The following PHKB variants were observed in gnomAD, a reference collection of about 807,000 sequenced individuals.
PHKB encodes phosphorylase b kinase regulatory subunit beta.
A neutral mutation model predicts 152.1 loss-of-function variants in PHKB; 122 were observed. The ratio of observed to expected loss-of-function variants is 0.80; its 90% CI spans 0.69 to 0.93. The LOEUF (loss-of-function observed/expected upper bound fraction) is 0.93, where lower values mean the gene tolerates loss of function less well. PHKB is among the 40% of genes least tolerant of loss of function. The pLI is 0.00. For missense variants in PHKB, 1,304 were observed against 1,328.4 expected (o/e 0.98, Z 0.29); for synonymous variants, 436 against 464.9 (o/e 0.94, Z 0.80).
intron 1 of PHKB, among the ~76,000 whole-genome samples, chr16:47,465,621 A>G (rs1325647335): frequency 1.3e-5 from 2 of 152,242 alleles, no homozygotes; most frequent in East Asian, 1.9e-4. Context: ...TAGTAAAACT[A>G]TAAAGACACA....
chr16:47,585,406 T>G (rs973133646), intron 8 of PHKB, among the ~76,000 whole-genome samples: 4 of 152,210 alleles, frequency 2.6e-5, no homozygotes, highest in African/African-American at 9.6e-5. Context: ...TTCAAAGCAG[T>G]GCAGACATCT....
intron 23 of PHKB, among the ~76,000 whole-genome samples, chr16:47,662,940 G>A (rs1237814162): frequency 1.3e-5 from 2 of 151,736 alleles, no homozygotes; most frequent in African/African-American, 2.4e-5. Flanking sequence ...AAATGCTAAG[G>A]GAATGATGTT....
chr16:47,670,927 C>A (rs1343067488), intron 26 of PHKB, among the ~76,000 whole-genome samples: 1 of 152,000 alleles, frequency 6.6e-6, no homozygotes, highest in Non-Finnish European at 1.5e-5. Flanking sequence ...TAGTATAATA[C>A]AGACTTATGT....
At chr16:47,566,417 A>C in intron 7 of PHKB, 2 of 1,608,036 alleles carry the variant, frequency 1.2e-6, no homozygotes, top group East Asian at 2.2e-5. Context: ...TGTTACCTAG[A>C]GACTCTTCAT....
chr16:47,527,722 G>A (rs1970792051), intron 6 of PHKB, among the ~76,000 whole-genome samples: 1 of 152,186 alleles, frequency 6.6e-6, no homozygotes, highest in African/African-American at 2.4e-5. Flanking sequence ...TAAAGGTAGG[G>A]TCTTTAAAGA....
rs370858991 is a variant in PHKB at position 47,611,031 on chromosome 16, G to C, written c.1458+111G>C. On this transcript the variant is annotated intron_variant, in intron 14 of 30. Coordinates refer to ENST00000323584, the MANE Select transcript of PHKB (RefSeq NM_000293.3). ...TTTTGTTGTTCCTTCTGACGGAAAG[G>C]TTTCTCCCTCTTCTGGTTAGTTAAG... is the stretch of plus-strand genomic sequence containing the variant. The C allele has an allele frequency of 5.5e-6, 4 of 729,056 alleles. No individual in the cohort carries two copies. In the East Asian group the frequency reaches 1.1e-4, roughly 19 times the overall value. The allele number at this position is 729,056 out of a possible 1,614,324, so 45.2% of individuals were successfully genotyped here.
chr16:47,537,041 G>A (rs948675994), intron 6 of PHKB, among the ~76,000 whole-genome samples: 1 of 152,206 alleles, frequency 6.6e-6, no homozygotes, highest in Non-Finnish European at 1.5e-5. Context: ...GTGGGGACAG[G>A]GTGGGAAGAT....
intron 1 of PHKB, among the ~76,000 whole-genome samples, chr16:47,483,248 A>G (rs1243651211): frequency 6.6e-6 from 1 of 151,514 alleles, no homozygotes; most frequent in Admixed American, 6.6e-5. Flanking sequence ...CGGTTTCACT[A>G]TGTTGGCCAT....
intron 6 of PHKB, among the ~76,000 whole-genome samples, chr16:47,543,976 C>G (rs1344586243): frequency 6.6e-6 from 1 of 152,020 alleles, no homozygotes; most frequent in Non-Finnish European, 1.5e-5. Flanking sequence ...ATTCTTCTCT[C>G]TTTTCTTCTT....
At chr16:47,565,549 T>C in intron 7 of PHKB, 1 of 1,129,784 alleles carries the variant, frequency 8.9e-7, no homozygotes, top group Non-Finnish European at 1.3e-6. Flanking sequence ...AGAGTGACAG[T>C]CTTCCTCCTT....
chr16:47,643,663 A>G (rs1227562933), intron 16 of PHKB, among the ~76,000 whole-genome samples: 1 of 152,180 alleles, frequency 6.6e-6, no homozygotes, highest in African/African-American at 2.4e-5. Flanking sequence ...TCTGCTCCTT[A>G]TAAGTCTGCC....
chr16:47,602,542 C>CTTTTTTTTTTTTTTTTTTTTTTT (rs34655174), intron 13 of PHKB, among the ~76,000 whole-genome samples: 3 of 122,638 alleles, frequency 2.4e-5, no homozygotes, highest in Non-Finnish European at 3.4e-5. Flanking sequence ...GCTTCTCTTC[C>CTTTTTTTTTTTTTTTTTTTTTTT]TTTTTTTTTT....
At chr16:47,614,477 T>G (rs1176863488) in intron 14 of PHKB, among the ~76,000 whole-genome samples, 1 of 152,222 alleles carries the variant, frequency 6.6e-6, no homozygotes, top group Non-Finnish European at 1.5e-5. Context: ...TTCTTAGAAT[T>G]CCACTTTAAT....
At chr16:47,686,592 T>C (rs182489880) in intron 26 of PHKB, among the ~76,000 whole-genome samples, 2 of 152,232 alleles carry the variant, frequency 1.3e-5, no homozygotes, top group Non-Finnish European at 2.9e-5. Context: ...TGGGGCACAG[T>C]TGGTAAGTGA....
At chr16:47,471,302 A>T (rs546745757) in intron 1 of PHKB, among the ~76,000 whole-genome samples, 1 of 152,282 alleles carries the variant, frequency 6.6e-6, no homozygotes, top group Non-Finnish European at 1.5e-5. Context: ...GGGTGAGAGG[A>T]AGGCCTGGGA....
chr16:47,547,076 C>T (rs1971183487), intron 6 of PHKB, among the ~76,000 whole-genome samples: 1 of 152,138 alleles, frequency 6.6e-6, no homozygotes, highest in African/African-American at 2.4e-5. Flanking sequence ...GAAGCGATGC[C>T]CCACCCTGCT....
At chr16:47,667,333 G>C (rs1567348326) in intron 25 of PHKB, among the ~76,000 whole-genome samples, 1 of 152,274 alleles carries the variant, frequency 6.6e-6, no homozygotes, top group African/African-American at 2.4e-5. Context: ...GCCTTGGGAA[G>C]CTGAGGTAGG....
chr16:47,487,433 T>A (rs1001249891), intron 1 of PHKB, among the ~76,000 whole-genome samples: 23 of 151,748 alleles, frequency 1.5e-4, no homozygotes, highest in African/African-American at 5.5e-4. Context: ...ATATATATTT[T>A]TTTTTTCTTT....
intron 1 of PHKB, among the ~76,000 whole-genome samples, chr16:47,488,851 C>A (rs1219122235): frequency 3.9e-5 from 6 of 152,030 alleles, no homozygotes; most frequent in African/African-American, 1.5e-4. Context: ...ACCGTAGCTG[C>A]CTTGTGGTGT....
Sources: gnomAD v4.1 joint callset for allele counts (sites outside exome capture counted in the v4.1 genomes callset) on GRCh38, gnomAD v4.1.1 for gene constraint, MANE v1.5 for transcripts, NCBI Gene and HGNC (gene_info 2026-07-23, HGNC 2026-07-21) for gene names.